Variants in ABCA1 observed in about 807,000 individuals in gnomAD.
ABCA1 encodes the protein ATP binding cassette subfamily A member 1, also known as phospholipid-transporting ATPase ABCA1.
In ABCA1, 133 loss-of-function variants were observed where a neutral mutation model predicts 262.5. The observed-to-expected ratio is 0.51, with a 90% confidence interval of 0.44 to 0.59. The LOEUF (loss-of-function observed/expected upper bound fraction) is 0.59, where lower values mean the gene tolerates loss of function less well. Among genes scored for constraint, ABCA1 ranks in the 20% least tolerant of loss-of-function variants. The pLI is 0.00. For synonymous variants in ABCA1, 1,022 were observed against 1,043.5 expected (o/e 0.98, Z 0.40); for missense variants, 2,452 against 2,777.5 (o/e 0.88, Z 2.63).
At chr9:104,904,333 G>A (rs137967290) in intron 1 of ABCA1, among the ~76,000 whole-genome samples, 2,173 of 152,222 alleles carry the variant, frequency 0.014, 25 homozygotes, top group Non-Finnish European at 0.021. Context: ...ACTTTGGGAG[G>A]CCGAGGCAGG....
At chr9:104,915,383 C>G (rs187856106) in intron 1 of ABCA1, among the ~76,000 whole-genome samples, 5 of 152,210 alleles carry the variant, frequency 3.3e-5, no homozygotes, top group Non-Finnish European at 5.9e-5. Flanking sequence ...CCAAAACTTA[C>G]AAGCAAACTC....
Position 104,809,521 on chromosome 9 carries a change from C to T in ABCA1, c.4219G>A (p.Ala1407Thr), listed in dbSNP as rs189206655. 8.7e-6 allele frequency: 14 copies of T among 1,614,104 alleles called. No individual in the cohort carries two copies. The highest frequency in any genetic ancestry group is 1.6e-4 in the Middle Eastern group (1 of 6,062). Residue 1407 changes from alanine to threonine, a missense_variant, in exon 30 of 50, where the codon GCC (alanine) becomes ACC (threonine). This residue lies in a region of ABCA1 where 665 missense variants were observed against 727.3 expected (regional missense o/e 0.91). Coordinates refer to ENST00000374736, the MANE Select transcript of ABCA1 (RefSeq NM_005502.4). ...CCGAAGCCAGGGTCTTTGGTGAGGG[C>T]GTTTAAGAGTTCCAGGGTTCCCGTG... ...EDTGTLELLNALTKDPGFGTR... is the reference protein window; with the variant it reads ...EDTGTLELLNTLTKDPGFGTR...
At position 104,810,141 on chromosome 9, in the gene ABCA1, C is replaced by CATATAT. The variant is rs35876406; in HGVS notation, c.4176-583_4176-578dup. Among the ~76,000 whole-genome samples the CATATAT allele has an allele frequency of 5.8e-3, 738 of 126,790 alleles. 4 individuals carry two copies. Among genetic ancestry groups the CATATAT allele is most frequent in the African/African-American group, 0.013 (481 of 36,008 alleles). 83.2% of individuals were successfully genotyped at this position (126,790 alleles called of 152,430 possible). On this transcript the variant is annotated intron_variant, in intron 29 of 49. Transcript: ENST00000374736. ...GAGAAAAAGAGGCCAATTCACATTACATATATATATATATATATATATATA... is the reference window on the plus strand; with the variant it reads ...GAGAAAAAGAGGCCAATTCACATTACATATATATATATATATATATATATATATATA...
At chr9:104,844,601 C>A (rs965033874) in intron 8 of ABCA1, among the ~76,000 whole-genome samples, 4 of 151,742 alleles carry the variant, frequency 2.6e-5, no homozygotes, top group Non-Finnish European at 4.4e-5. Context: ...ATGCAAGCAC[C>A]AAAAAATGGG....
intron 8 of ABCA1, among the ~76,000 whole-genome samples, chr9:104,843,013 G>A (rs182430716): frequency 3.9e-5 from 6 of 152,112 alleles, no homozygotes; most frequent in East Asian, 1.9e-4. Flanking sequence ...CTTCCTGTTC[G>A]GAGTTTCCTT....
At position 104,840,266 on chromosome 9, in the gene ABCA1, C is replaced by CA; in HGVS notation, c.1054+12dup. On this transcript the variant is annotated intron_variant, in intron 9 of 49. Transcript: ENST00000374736. ...GGGTTGGGGACAGGGCTGGGGTCTG[C>CA]ATGGACACTCACTTGTAGAGTTGTC... 6.2e-7 allele frequency: 1 copy of CA among 1,614,144 alleles called. No homozygotes were observed. The highest frequency in any genetic ancestry group is 8.5e-7 in the Non-Finnish European group (1 of 1,180,036).
In ABCA1 at chr9:104,816,130, C is replaced by T. The variant is rs1186664470; in HGVS notation, c.3738+13G>A. The T allele has an allele frequency of 6.2e-7, 1 of 1,614,030 alleles. No individual in the cohort carries two copies. The highest frequency in any genetic ancestry group is 1.1e-5 in the South Asian group (1 of 91,076). ...CCTTGCTATATATTCCGACAGTCAG[C>T]CACTTAACTTACTTCTTCCAGGGTC... is the stretch of plus-strand genomic sequence containing the variant. On this transcript the variant is annotated intron_variant, in intron 25 of 49. Transcript: ENST00000374736.
chr9:104,918,449 G>A (rs10512337), intron 1 of ABCA1, among the ~76,000 whole-genome samples: 17,067 of 152,134 alleles, frequency 0.11, 1,178 homozygotes, highest in African/African-American at 0.2. Context: ...ATGCCAAGCA[G>A]AAAGAGATCA....
chr9:104,906,974 CAA>C (rs1431591797), intron 1 of ABCA1, among the ~76,000 whole-genome samples: 5 of 152,092 alleles, frequency 3.3e-5, no homozygotes, highest in Non-Finnish European at 7.4e-5. Flanking sequence ...ACAGAGCACC[CAA>C]AGTTACTCAG....
chr9:104,813,540 A>T (rs1380907926), intron 27 of ABCA1, among the ~76,000 whole-genome samples: 1 of 152,160 alleles, frequency 6.6e-6, no homozygotes, highest in Non-Finnish European at 1.5e-5. Flanking sequence ...CAGCCTCCCA[A>T]GTAGCTGGGA....
At chr9:104,876,167 T>TG (rs1419824646) in intron 5 of ABCA1, among the ~76,000 whole-genome samples, 1 of 152,178 alleles carries the variant, frequency 6.6e-6, no homozygotes, top group African/African-American at 2.4e-5. Flanking sequence ...TAAAAAAAGA[T>TG]GGAGAACTTC....
chr9:104,825,050 T>G (rs190520198), intron 17 of ABCA1, among the ~76,000 whole-genome samples: 139 of 152,342 alleles, frequency 9.1e-4, no homozygotes, highest in Non-Finnish European at 1.6e-3. Context: ...CAACGCAGGT[T>G]CCTCTTGGAC....
intron 1 of ABCA1, among the ~76,000 whole-genome samples, chr9:104,909,607 TACACACACACAC>T (rs59524252): frequency 0.013 from 1,745 of 133,990 alleles, 36 homozygotes; most frequent in African/African-American, 0.042. Context: ...GCAAAAGAAA[TACACACACACAC>T]ACACACACAC....
At position 104,818,701 on chromosome 9, in the gene ABCA1, A is replaced by T; in HGVS notation, c.3424T>A (p.Cys1142Ser). Residue 1142 changes from cysteine (C) to serine (S), a missense_variant, in exon 23 of 50, where the codon TGC becomes AGC. Physicochemically the swap from Cys to Ser is moderately radical, Grantham distance 112. Transcript: ENST00000374736. ...GACACAGTGCTACTACTGTTTCTGCAGGAACTGAGGGAGGATTCCACATCT... is the reference window on the plus strand; with the variant it reads ...GACACAGTGCTACTACTGTTTCTGCTGGAACTGAGGGAGGATTCCACATCT... Reference protein sequence around the residue: ...KKDVESSLSSCRNSSSTVSYL... With the variant: ...KKDVESSLSSSRNSSSTVSYL... 1.2e-6 allele frequency: 2 copies of T among 1,613,516 alleles called. No individual in the cohort carries two copies. The highest frequency in any genetic ancestry group is 8.5e-7 in the Non-Finnish European group (1 of 1,180,028).
In ABCA1 at chr9:104,796,325, G is replaced by C; in HGVS notation, c.5221C>G (p.Leu1741Val). 1 of 1,614,188 alleles carries C rather than the reference G, an allele frequency of 6.2e-7. No individual in the cohort carries two copies. The highest frequency in any genetic ancestry group is 8.5e-7 in the Non-Finnish European group (1 of 1,180,010). ...SSTNLPVLAL[L>V]LLLYGWSITP... is the part of the protein sequence containing the mutation. ...GTGACTTACCCATACAGCAAAAGTAGAAGGGCTAGCACAGGCAGATTGGTG... is the reference window on the plus strand; with the variant it reads ...GTGACTTACCCATACAGCAAAAGTACAAGGGCTAGCACAGGCAGATTGGTG... Residue 1741 changes from leucine to valine, a missense_variant, in exon 38 of 50, where the codon CTA becomes GTA. Leu to Val is a conservative substitution (Grantham distance 32, BLOSUM62 1). Coordinates refer to ENST00000374736, the MANE Select transcript of ABCA1 (RefSeq NM_005502.4).
intron 32 of ABCA1, 103 bp downstream of exon 32, chr9:104,804,523 C>T (rs1347572219): frequency 1.1e-6 from 1 of 925,686 alleles, no homozygotes; most frequent in African/African-American, 1.6e-5. Context: ...AGAATCAGGC[C>T]ATAATCTGGC....
chr9:104,921,306 C>CA (rs1219199304), intron 1 of ABCA1, among the ~76,000 whole-genome samples: 1 of 152,100 alleles, frequency 6.6e-6, no homozygotes, highest in Non-Finnish European at 1.5e-5. Context: ...GAATTTTAAA[C>CA]AAACACCCCC....
chr9:104,898,757 G>T (rs897186696), intron 2 of ABCA1, among the ~76,000 whole-genome samples: 2 of 151,984 alleles, frequency 1.3e-5, no homozygotes, highest in African/African-American at 4.8e-5. Context: ...TCTCTGCCTG[G>T]AATGGATTTC....
rs779786833 is a variant in ABCA1, at chr9:104,806,266, C to G, written c.4439G>C (p.Gly1480Ala). 5.6e-6 allele frequency: 9 copies of G among 1,613,460 alleles called. No individual in the cohort carries two copies. Among genetic ancestry groups the G allele is most frequent in the African/African-American group, 1.3e-5 (1 of 74,910 alleles). ...IKKMLPVCPP[G>A]AGGLPPPQRK... ...TTGTGGAGGAGGCAGCCCCCCTGCC[C>G]CTGGGGGACACACAGGCAGCATCTT... Residue 1480 changes from glycine to alanine, a missense_variant, in exon 31 of 50, where the codon GGG becomes GCG. Gly to Ala is a moderately conservative substitution (Grantham distance 60). This residue lies in a region of ABCA1 where 665 missense variants were observed against 727.3 expected (regional missense o/e 0.91). Coordinates refer to ENST00000374736, the MANE Select transcript of ABCA1 (RefSeq NM_005502.4).
Sources: allele counts gnomAD v4.1 joint callset (sites outside exome capture counted in the v4.1 genomes callset), GRCh38; gene constraint gnomAD v4.1.1; regional missense constraint gnomAD v4.1.1; transcripts MANE v1.5; gene names NCBI Gene and HGNC (gene_info 2026-07-23, HGNC 2026-07-21).